Variants in SEC14L5 observed in about 807,000 individuals in gnomAD.
The protein encoded by SEC14L5 is SEC14 like lipid binding 5.
Under a neutral mutation model 84.6 loss-of-function variants are expected in SEC14L5, and 96 were observed. The observed-to-expected ratio is 1.13, with a 90% confidence interval of 0.96 to 1.34. The LOEUF (loss-of-function observed/expected upper bound fraction) is 1.34, where lower values mean the gene tolerates loss of function less well. Among genes scored for constraint, SEC14L5 ranks in the 40% most tolerant of loss-of-function variants. The pLI, the probability that SEC14L5 is intolerant of heterozygous loss-of-function variation, is 0.00. For synonymous variants in SEC14L5, 546 were observed against 383.4 expected, an observed-to-expected ratio of 1.42 and a Z score of -4.95; for missense variants, 1,224 against 942.5, an observed-to-expected ratio of 1.30 and a Z score of -3.91.
intron 2 of SEC14L5, among the ~76,000 whole-genome samples, chr16:4,966,325 G>A (rs1371214061): frequency 7.1e-6 from 1 of 140,540 alleles, no homozygotes; most frequent in Non-Finnish European, 1.5e-5. Flanking sequence ...CCAGGCTGGA[G>A]TGCAGTGGCA....
chr16:5,000,996 C>T (rs1390359981), intron 10 of SEC14L5, 71 bp downstream of exon 10: 4 of 1,212,026 alleles, frequency 3.3e-6, no homozygotes, highest in Admixed American at 3.9e-5. Context: ...GTCCACTGTG[C>T]ATATGTGCTG....
intron 15 of SEC14L5, among the ~76,000 whole-genome samples, chr16:5,012,435 G>C (rs1230476774): frequency 1.3e-5 from 2 of 152,182 alleles, no homozygotes; most frequent in East Asian, 1.9e-4. Flanking sequence ...CAGTTCAAAG[G>C]CTGTTTCCTG....
At position 5,000,664 on chromosome 16, in the gene SEC14L5, C is replaced by T. The variant is rs1955664836; in HGVS notation, c.980C>T (p.Pro327Leu). ...GGCCCCATCCACAAAGATGGCCGCCCCCTCTACATCCTCCGCCTGGGCCAG... is the reference window on the plus strand; with the variant it reads ...GGCCCCATCCACAAAGATGGCCGCCTCCTCTACATCCTCCGCCTGGGCCAG... ...GWHYQDIDGR[P>L]LYILRLGQMD... The change falls in exon 9 of 16, where the codon CCC becomes CTC. Residue 327 changes from proline to leucine, a missense_variant. Transcript: ENST00000251170. The T allele has an allele frequency of 1.9e-6, 3 of 1,551,350 alleles. No individual in the cohort carries two copies. The highest frequency in any genetic ancestry group is 2.6e-6 in the Non-Finnish European group (3 of 1,147,100).
chr16:4,987,684 ACG>A lies in SEC14L5; in HGVS notation c.193_194del (p.Ala65ProfsTer11), dbSNP rs952635385. ...GAGCGGAGCTGCCGGCTGCGCGTGG[ACG>A]CCCCGCGGCTGCTGCGGAAGGTGGG... On this transcript the variant is annotated frameshift_variant, in exon 3 of 16. Transcript: ENST00000251170. LOFTEE classifies it high-confidence loss of function. The A allele has an allele frequency of 5.9e-6, 9 of 1,535,674 alleles. No homozygotes were observed. The highest frequency in any genetic ancestry group is 4.3e-5 in the African/African-American group (3 of 70,378).
At chr16:4,963,489 G>T (rs571078260) in intron 2 of SEC14L5, among the ~76,000 whole-genome samples, 1 of 152,286 alleles carries the variant, frequency 6.6e-6, no homozygotes, top group South Asian at 2.1e-4. Context: ...GAGATTACAG[G>T]CATGTGCTAC....
rs111249494 is a variant in SEC14L5 at position 5,000,719 on chromosome 16, G to A, written c.1035G>A (p.Val345=). The A allele has an allele frequency of 7.1e-6, 11 of 1,552,550 alleles. No individual in the cohort carries two copies. Among genetic ancestry groups the A allele is most frequent in the African/African-American group, 6.8e-5 (5 of 73,218 alleles). ...ACACCAAAGGCTTGATGAAGGCCGT[G>A]GGGGAGGAGGCGCTGCTGCGGCATG... ...QMDTKGLMKA[V]GEEALLRHVL... The change falls in exon 9 of 16, where the codon GTG becomes GTA. Residue 345 remains valine, a synonymous_variant. Coordinates refer to ENST00000251170, the MANE Select transcript of SEC14L5 (RefSeq NM_014692.2).
intron 3 of SEC14L5, 129 bp from the exon 4 acceptor site, chr16:4,988,020 G>A: frequency 2.0e-6 from 2 of 992,248 alleles, no homozygotes; most frequent in Non-Finnish European, 3.0e-6. Context: ...CGGGCTGGGT[G>A]GGCGGTGGCG....
intron 2 of SEC14L5, among the ~76,000 whole-genome samples, chr16:4,974,997 C>G (rs2142487177): frequency 6.6e-6 from 1 of 152,072 alleles, no homozygotes; most frequent in Middle Eastern, 3.4e-3. Flanking sequence ...AGGCTGGTCT[C>G]AAACTCCTGA....
chr16:4,960,848 C>T (rs1307135681), intron 2 of SEC14L5: 1 of 152,206 alleles, frequency 6.6e-6, no homozygotes, highest in South Asian at 2.1e-4. Flanking sequence ...TTGCAAGTGC[C>T]TGAGTGACTT....
chr16:5,013,054 A>G (rs908796775), intron 15 of SEC14L5, among the ~76,000 whole-genome samples: 7 of 152,172 alleles, frequency 4.6e-5, no homozygotes, highest in Non-Finnish European at 1.0e-4. Flanking sequence ...AGAGGAAGCC[A>G]CACACTTTTA....
Position 4,962,568 on chromosome 16 carries a change from A to T in SEC14L5, c.63+3182A>T, listed in dbSNP as rs141163348. On this transcript the variant is annotated intron_variant, in intron 2 of 15. Coordinates refer to ENST00000251170, the MANE Select transcript of SEC14L5 (RefSeq NM_014692.2). ...CTGGGTATGGTGGCAAGCACCTGTAATCCCAGCTATTCGGGAGGCTGAGAG... is the reference window on the plus strand; with the variant it reads ...CTGGGTATGGTGGCAAGCACCTGTATTCCCAGCTATTCGGGAGGCTGAGAG... Among the ~76,000 whole-genome samples, 640 of 151,768 alleles carry T rather than the reference A, an allele frequency of 4.2e-3. 1 individual carries two copies. The highest frequency in any genetic ancestry group is 6.9e-3 in the Non-Finnish European group (471 of 67,930).
At chr16:5,014,377 C>T (rs1228678654) in intron 15 of SEC14L5, among the ~76,000 whole-genome samples, 1 of 152,172 alleles carries the variant, frequency 6.6e-6, no homozygotes, top group Non-Finnish European at 1.5e-5. Flanking sequence ...AGTGAGAGCC[C>T]CGTCTCTATA....
At chr16:4,968,359 A>G (rs549036105) in intron 2 of SEC14L5, among the ~76,000 whole-genome samples, 1 of 152,164 alleles carries the variant, frequency 6.6e-6, no homozygotes, top group Non-Finnish European at 1.5e-5. Flanking sequence ...TTGTATTTTT[A>G]GCACAGACGG....
Position 5,010,915 on chromosome 16 carries a change from A to T in SEC14L5, c.1801-180A>T, listed in dbSNP as rs114501609. 4.7e-3 allele frequency: 2,883 copies of T among 613,944 alleles called. 56 individuals are homozygous for T. The highest frequency in any genetic ancestry group is 0.046 in the African/African-American group (2,487 of 54,284). 38.0% of individuals were successfully genotyped at this position (613,944 alleles called of 1,614,324 possible). ...GCTCTGGTCCCAGGGATATGGGGAT[A>T]ATAGCAAGGATGGCTTCCAGAGGCC... On this transcript the variant is annotated intron_variant, in intron 14 of 15. Transcript: ENST00000251170.
At chr16:4,959,946 C>A (rs1955098896) in intron 2 of SEC14L5, among the ~76,000 whole-genome samples, 1 of 152,162 alleles carries the variant, frequency 6.6e-6, no homozygotes, top group African/African-American at 2.4e-5. Context: ...GACCACAGAG[C>A]CCTCCTTCTG....
At chr16:4,985,023 C>T (rs894068051) in intron 2 of SEC14L5, among the ~76,000 whole-genome samples, 8 of 152,136 alleles carry the variant, frequency 5.3e-5, no homozygotes, top group Non-Finnish European at 1.2e-4. Flanking sequence ...TACCTTTTCA[C>T]TTTCTTGCTT....
intron 2 of SEC14L5, among the ~76,000 whole-genome samples, chr16:4,981,315 T>C (rs1955421819): frequency 7.2e-6 from 1 of 138,384 alleles, no homozygotes; most frequent in Non-Finnish European, 1.5e-5. Flanking sequence ...TTTCACCATA[T>C]TGGCCAGGCT....
At chr16:4,980,602 G>A (rs1271833804) in intron 2 of SEC14L5, among the ~76,000 whole-genome samples, 2 of 152,206 alleles carry the variant, frequency 1.3e-5, no homozygotes, top group African/African-American at 2.4e-5. Context: ...CGCCAAGGGT[G>A]TGCCGAGGAC....
intron 10 of SEC14L5, among the ~76,000 whole-genome samples, chr16:5,001,510 C>T (rs1366886983): frequency 7.9e-5 from 12 of 152,150 alleles, no homozygotes; most frequent in African/African-American, 2.4e-4. Context: ...CCGCCTGCCT[C>T]GGCCTCCCAA....
Sources: allele counts gnomAD v4.1 joint callset (sites outside exome capture counted in the v4.1 genomes callset), GRCh38; gene constraint gnomAD v4.1.1; transcripts MANE v1.5; gene names NCBI Gene and HGNC (gene_info 2026-07-23, HGNC 2026-07-21).